The following NT5C variants were observed in gnomAD, a reference collection of about 807,000 sequenced individuals.
NT5C encodes 5', 3'-nucleotidase, cytosolic, also known as 5'(3')-deoxyribonucleotidase, cytosolic type.
In NT5C, 14 loss-of-function variants were observed where a neutral mutation model predicts 17.6. The observed-to-expected ratio is 0.79, with a 90% CI of 0.52 to 1.24. The LOEUF is 1.24. Among genes scored for constraint, NT5C ranks in the 50% most tolerant of loss-of-function variants. The pLI is 0.00. For missense variants in NT5C, 328 were observed against 278.3 expected, an observed-to-expected ratio of 1.18 and a Z score of -1.27; for synonymous variants, 153 against 119.2, an observed-to-expected ratio of 1.28 and a Z score of -1.85.
chr17:75,131,681 C>A lies in NT5C; in HGVS notation c.27G>T (p.Val9=). The A allele has an allele frequency of 8.3e-6, 11 of 1,319,342 alleles. No homozygotes were observed. The highest frequency in any genetic ancestry group is 1.1e-5 in the Non-Finnish European group (11 of 1,037,544). 81.7% of individuals were successfully genotyped at this position (1,319,342 alleles called of 1,614,324 possible). A position where few individuals can be genotyped will look rare whatever the true frequency, so the allele number is the denominator to read the frequency against. The part of the protein sequence containing the change: MARSVRVL[V]DMDGVLADFE... ...AGTCGGCCAGGACGCCGTCCATGTCCACCAGCACGCGCACGCTCCGCGCCA... is the reference window on the plus strand; with the variant it reads ...AGTCGGCCAGGACGCCGTCCATGTCAACCAGCACGCGCACGCTCCGCGCCA... Residue 9 remains valine (V), a synonymous_variant, in exon 1 of 5, where the codon GTG becomes GTT. Transcript: ENST00000245552.
chr17:75,130,978 G>A, intron 3 of NT5C, 67 bp downstream of exon 3: 18 of 1,600,992 alleles, frequency 1.1e-5, no homozygotes, highest in Non-Finnish European at 1.5e-5. Flanking sequence ...CTGGGTTTCT[G>A]GTGGTTTCTT....
Position 75,130,817 on chromosome 17 carries a change from G to C in NT5C, c.387C>G (p.Ile129Met). 1 of 1,614,170 alleles carries C rather than the reference G, an allele frequency of 6.2e-7. No homozygotes were observed. The highest frequency in any genetic ancestry group is 8.5e-7 in the Non-Finnish European group (1 of 1,180,022). The change falls in exon 4 of 5, where the codon ATC becomes ATG. Residue 129 changes from isoleucine (I) to methionine (M), a missense_variant. Physicochemically the swap from Ile to Met is conservative, Grantham distance 10. Transcript: ENST00000245552. ...AGACCACCGTCTTGTCCCTTGTCAG[G>C]ATAATTCGTTCTACGAACTGGGGCC... ...HLGPQFVERI[I>M]LTRDKTVVLG...
At position 75,130,874 on chromosome 17, in the gene NT5C, AG is replaced by A; in HGVS notation, c.337-8del. 2 of 1,613,468 alleles carry A rather than the reference AG, an allele frequency of 1.2e-6. No homozygotes were observed. Among genetic ancestry groups the A allele is most frequent in the Non-Finnish European group, 1.7e-6 (2 of 1,179,414 alleles). On this transcript the variant is annotated splice_region_variant and splice_polypyrimidine_tract_variant and intron_variant, in intron 3 of 4. Transcript: ENST00000245552. ...GCTGCTCCACCCAGCGGTACTGTGT[AG>A]AAAACACAGTCTGTGAGTAGGGCCT...
At position 75,131,528 on chromosome 17, in the gene NT5C, C is replaced by T. The variant is rs987267586; in HGVS notation, c.174+6G>A. 5.7e-6 allele frequency: 8 copies of T among 1,410,552 alleles called. No homozygotes were observed. The African/African-American group carries it at 6.0e-5, about 11-fold the overall frequency. 87.4% of individuals were successfully genotyped at this position (1,410,552 alleles called of 1,614,324 possible). On this transcript the variant is annotated splice_donor_region_variant and intron_variant, in intron 1 of 4. Coordinates refer to ENST00000245552, the MANE Select transcript of NT5C (RefSeq NM_014595.3). ...CCTGCCCGGGTGGGGACCCTGCGCC[C>T]CCTACCGCCAGGTCGGGCCGCAGGG...
chr17:75,130,812 G>A lies in NT5C; in HGVS notation c.392C>T (p.Thr131Ile). 1 of 1,614,200 alleles carries A rather than the reference G, an allele frequency of 6.2e-7. No individual in the cohort carries two copies. Among genetic ancestry groups the A allele is most frequent in the Non-Finnish European group, 8.5e-7 (1 of 1,180,038 alleles). The change falls in exon 4 of 5, where the codon ACA (threonine) becomes ATA (isoleucine). Residue 131 changes from threonine (T) to isoleucine (I), a missense_variant. Physicochemically the swap from Thr to Ile is moderately conservative, Grantham distance 89. Coordinates refer to ENST00000245552, the MANE Select transcript of NT5C (RefSeq NM_014595.3). ...CCCCAAGACCACCGTCTTGTCCCTT[G>A]TCAGGATAATTCGTTCTACGAACTG... ...GPQFVERIIL[T>I]RDKTVVLGDL... is the part of the protein sequence containing the mutation.
In NT5C at chr17:75,131,671, C is replaced by T. The variant is rs1373476736; in HGVS notation, c.37G>A (p.Gly13Ser). The change falls in exon 1 of 5, where the codon GGC becomes AGC. Residue 13 changes from glycine (G) to serine (S), a missense_variant. Gly to Ser is a moderately conservative substitution (Grantham distance 56). Coordinates refer to ENST00000245552, the MANE Select transcript of NT5C (RefSeq NM_014595.3). ...CCGGCCTCGAAGTCGGCCAGGACGC[C>T]GTCCATGTCCACCAGCACGCGCACG... is the stretch of plus-strand genomic sequence containing the variant. ...RSVRVLVDMD[G>S]VLADFEAGLL... is the part of the protein sequence containing the mutation. The T allele has an allele frequency of 1.4e-5, 18 of 1,330,968 alleles. No homozygotes were observed. The highest frequency in any genetic ancestry group is 1.6e-5 in the Non-Finnish European group (17 of 1,044,834). 82.4% of individuals were successfully genotyped at this position (1,330,968 alleles called of 1,614,324 possible).
Position 75,130,371 on chromosome 17 carries a change from C to T in NT5C, c.*117G>A, listed in dbSNP as rs116149764. 1.3e-4 allele frequency: 173 copies of T among 1,320,210 alleles called. No homozygotes were observed. The African/African-American group carries it at 1.5e-3, about 12-fold the overall frequency. 81.8% of individuals were successfully genotyped at this position (1,320,210 alleles called of 1,614,324 possible). A position where few individuals can be genotyped will look rare whatever the true frequency, so the allele number is the denominator to read the frequency against. On this transcript the variant is annotated 3_prime_UTR_variant, in exon 5 of 5. Transcript: ENST00000245552. Reference sequence around the variant, plus strand: ...TAGCACAGCGCTTAACGGTATCTGCCTGCTCCACTCCACGGGGCCAGAGGC... The same window carrying T: ...TAGCACAGCGCTTAACGGTATCTGCTTGCTCCACTCCACGGGGCCAGAGGC...
Position 75,131,286 on chromosome 17 carries a change from A to C in NT5C, c.175-5T>G, listed in dbSNP as rs1224071182. The C allele has an allele frequency of 1.2e-6, 2 of 1,613,380 alleles. No individual in the cohort carries two copies. Among genetic ancestry groups the C allele is most frequent in the Non-Finnish European group, 1.7e-6 (2 of 1,179,826 alleles). Reference sequence around the variant, plus strand: ...GTACACACTGGCCACTTTATCCTGAAAGACAAGAGTTCTGGGTCCCGGCTT... The same window carrying C: ...GTACACACTGGCCACTTTATCCTGACAGACAAGAGTTCTGGGTCCCGGCTT... On this transcript the variant is annotated splice_region_variant and splice_polypyrimidine_tract_variant and intron_variant, in intron 1 of 4. Transcript: ENST00000245552.
chr17:75,131,185 G>A lies in NT5C; in HGVS notation c.271C>T (p.Pro91Ser), dbSNP rs1331530029. Residue 91 changes from proline (P) to serine (S), a missense_variant, in exon 2 of 5, where the codon CCG (proline) becomes TCG (serine). By Grantham distance (74) the Pro-to-Ser change is moderately conservative (BLOSUM62 -1). Coordinates refer to ENST00000245552, the MANE Select transcript of NT5C (RefSeq NM_014595.3). ...LDAVREMNDL[P>S]DTQVFICTSP... The stretch of plus-strand genomic sequence containing the variant: ...CCCGCCCCCCTCTCTCCTTACTCCG[G>A]TAGGTCGTTCATCTCCCGCACAGCG... The A allele has an allele frequency of 2.2e-5, 36 of 1,613,388 alleles. No homozygotes were observed. The highest frequency in any genetic ancestry group is 2.8e-5 in the Non-Finnish European group (33 of 1,179,940).
chr17:75,131,526 C>T lies in NT5C; in HGVS notation c.174+8G>A. 3.5e-6 allele frequency: 5 copies of T among 1,410,464 alleles called. No individual in the cohort carries two copies. 87.4% of individuals were successfully genotyped at this position (1,410,464 alleles called of 1,614,324 possible). On this transcript the variant is annotated splice_region_variant and intron_variant, in intron 1 of 4. Transcript: ENST00000245552. ...GCCCTGCCCGGGTGGGGACCCTGCG[C>T]CCCCTACCGCCAGGTCGGGCCGCAG...
chr17:75,131,588 T>A lies in NT5C; in HGVS notation c.120A>T (p.Gln40His). 7.2e-7 allele frequency: 1 copy of A among 1,392,122 alleles called. No individual in the cohort carries two copies. 86.2% of individuals were successfully genotyped at this position (1,392,122 alleles called of 1,614,324 possible). Residue 40 changes from glutamine to histidine, a missense_variant, in exon 1 of 5, where the codon CAA becomes CAT. By Grantham distance (24) the Gln-to-His change is conservative. Transcript: ENST00000245552. ...GCTCGCGGGCCAGGAAGCCGCGGCG[T>A]TGCTCCAGCGGCACGTGCGGCTCCT... The part of the protein sequence containing the change: ...FPEEPHVPLE[Q>H]RRGFLAREQY...
In NT5C at chr17:75,131,691, C is replaced by T; in HGVS notation, c.17G>A (p.Arg6His). 7.7e-7 allele frequency: 1 copy of T among 1,301,588 alleles called. No individual in the cohort carries two copies. Among genetic ancestry groups the T allele is most frequent in the Non-Finnish European group, 9.7e-7 (1 of 1,026,336 alleles). 80.6% of individuals were successfully genotyped at this position (1,301,588 alleles called of 1,614,324 possible). MARSV[R>H]VLVDMDGVLA... ...GACGCCGTCCATGTCCACCAGCACG[C>T]GCACGCTCCGCGCCATCGCCGCCGG... The change falls in exon 1 of 5, where the codon CGC (arginine) becomes CAC (histidine). Residue 6 changes from arginine to histidine, a missense_variant. Coordinates refer to ENST00000245552, the MANE Select transcript of NT5C (RefSeq NM_014595.3).
chr17:75,131,010 G>C lies in NT5C; in HGVS notation c.336+35C>G, dbSNP rs936369429. On this transcript the variant is annotated intron_variant, in intron 3 of 4. Coordinates refer to ENST00000245552, the MANE Select transcript of NT5C (RefSeq NM_014595.3). ...TCTTTTTAAAATCAGGATTTAGGCA[G>C]CTCCACGTGCGGAGTAGGGGCGGGG... The C allele has an allele frequency of 1.1e-5, 17 of 1,608,018 alleles. No homozygotes were observed. The African/African-American group carries it at 2.3e-4, about 21-fold the overall frequency.
At position 75,131,566 on chromosome 17, in the gene NT5C, C is replaced by G. The variant is rs976878938; in HGVS notation, c.142G>C (p.Glu48Gln). 1 of 1,395,426 alleles carries G rather than the reference C, an allele frequency of 7.2e-7. No homozygotes were observed. The highest frequency in any genetic ancestry group is 9.2e-7 in the Non-Finnish European group (1 of 1,083,716). The allele number at this position is 1,395,426 out of a possible 1,614,324, so 86.4% of individuals were successfully genotyped here. A position where few individuals can be genotyped will look rare whatever the true frequency, so the allele number is the denominator to read the frequency against. The change falls in exon 1 of 5, where the codon GAG (glutamate) becomes CAG (glutamine). Residue 48 changes from glutamate (E) to glutamine (Q), a missense_variant. Transcript: ENST00000245552. ...LEQRRGFLAR[E>Q]QYRALRPDLA... The stretch of plus-strand genomic sequence containing the variant: ...TCGGGCCGCAGGGCGCGGTACTGCT[C>G]GCGGGCCAGGAAGCCGCGGCGTTGC...
At position 75,130,784 on chromosome 17, in the gene NT5C, G is replaced by A. The variant is rs191570758; in HGVS notation, c.420C>T (p.Asp140=). The A allele has an allele frequency of 2.0e-5, 33 of 1,614,146 alleles. No homozygotes were observed. In the African/African-American group the frequency reaches 2.4e-4, roughly 12 times the overall value. Residue 140 remains aspartate (D), a synonymous_variant, in exon 4 of 5, where the codon GAC becomes GAT. Transcript: ENST00000245552. ...CTGTGTCCTTGTCATCAATGAGCAG[G>A]TCCCCCAAGACCACCGTCTTGTCCC... ...LTRDKTVVLG[D]LLIDDKDTVR...
chr17:75,131,648 G>T lies in NT5C; in HGVS notation c.60C>A (p.Ala20=). The T allele has an allele frequency of 7.4e-7, 1 of 1,359,236 alleles. No homozygotes were observed. The highest frequency in any genetic ancestry group is 9.4e-7 in the Non-Finnish European group (1 of 1,060,942). The allele number at this position is 1,359,236 out of a possible 1,614,324, so 84.2% of individuals were successfully genotyped here. A position where few individuals can be genotyped will look rare whatever the true frequency, so the allele number is the denominator to read the frequency against. The change falls in exon 1 of 5, where the codon GCC becomes GCA. Residue 20 remains alanine, a synonymous_variant. Transcript: ENST00000245552. Reference sequence around the variant, plus strand: ...GGCGGCGGAAGCCCCGCAGGAGGCCGGCCTCGAAGTCGGCCAGGACGCCGT... The same window carrying T: ...GGCGGCGGAAGCCCCGCAGGAGGCCTGCCTCGAAGTCGGCCAGGACGCCGT... ...DMDGVLADFE[A]GLLRGFRRRF...
In NT5C at chr17:75,131,081, GC is replaced by G; in HGVS notation, c.299del (p.Ser100ThrfsTer4). The G allele has an allele frequency of 6.2e-6, 10 of 1,613,216 alleles. No homozygotes were observed. Among genetic ancestry groups the G allele is most frequent in the Non-Finnish European group, 8.5e-6 (10 of 1,179,804 alleles). ...LPDTQVFICT[S>X]PLLKYHHCVG... ...CACAGTGGTGGTACTTCAGCAGGGG[GC>G]TGGTGCAGATGAAGACCTGCGTGCT... On this transcript the variant is annotated frameshift_variant, in exon 3 of 5. Coordinates refer to ENST00000245552, the MANE Select transcript of NT5C (RefSeq NM_014595.3). LOFTEE classifies it high-confidence loss of function.
Position 75,130,466 on chromosome 17 carries a change from C to T in NT5C, c.*22G>A. 6.2e-7 allele frequency: 1 copy of T among 1,612,320 alleles called. No homozygotes were observed. ...GGGCCTGCCCTTCCTTTAGCTCCAG[C>T]TGCTGCCCGCGGCATCCCCGCTCAT... On this transcript the variant is annotated 3_prime_UTR_variant, in exon 5 of 5. Transcript: ENST00000245552.
intron 3 of NT5C, 84 bp downstream of exon 3, chr17:75,130,961 C>A: frequency 6.2e-7 from 1 of 1,604,354 alleles, no homozygotes; most frequent in Non-Finnish European, 8.5e-7. Context: ...CCCCCCACCC[C>A]CACCTTCTGG....
Sources: gnomAD v4.1 joint callset for allele counts on GRCh38, gnomAD v4.1.1 for gene constraint, MANE v1.5 for transcripts, NCBI Gene and HGNC (gene_info 2026-07-23, HGNC 2026-07-21) for gene names.